DYNLT1: variants seen among roughly 807,000 people sequenced by gnomAD.
DYNLT1 encodes the protein T-complex testis-specific protein 1 homolog.
In DYNLT1, 18 loss-of-function variants were observed where a neutral mutation model predicts 19.6. The ratio of observed to expected loss-of-function variants is 0.92; its 90% CI spans 0.64 to 1.36. The LOEUF (loss-of-function observed/expected upper bound fraction) is 1.36. Ranked by LOEUF, DYNLT1 falls within the 40% of genes most tolerant of loss-of-function variation. The pLI, the probability that DYNLT1 is intolerant of heterozygous loss-of-function variation, is 0.00. For missense variants in DYNLT1, 137 were observed against 139.3 expected, an observed-to-expected ratio of 0.98 and a Z score of 0.08; for synonymous variants, 56 against 44.0, an observed-to-expected ratio of 1.27 and a Z score of -1.07.
At chr6:158,638,277 TGAC>T (rs1352403314) in intron 2 of DYNLT1, among the ~76,000 whole-genome samples, 1 of 152,226 alleles carries the variant, frequency 6.6e-6, no homozygotes, top group East Asian at 1.9e-4. Context: ...TTTGTACAAC[TGAC>T]AATATACAAA....
At chr6:158,637,255 T>C (rs1309500635) in intron 3 of DYNLT1, 50 bp from the exon 4 acceptor site, 22 of 1,537,520 alleles carry the variant, frequency 1.4e-5, no homozygotes, top group Non-Finnish European at 1.9e-5. Flanking sequence ...GTAACACAAA[T>C]GTCATTCTGT....
At chr6:158,638,017 C>T in intron 2 of DYNLT1, 123 bp from the exon 3 acceptor site, 1 of 1,451,008 alleles carries the variant, frequency 6.9e-7, no homozygotes, top group Non-Finnish European at 9.2e-7. Context: ...CATGAGGGTG[C>T]CTTTGCAAAT....
chr6:158,639,759 C>T (rs1787097653), intron 2 of DYNLT1, among the ~76,000 whole-genome samples: 1 of 152,182 alleles, frequency 6.6e-6, no homozygotes, highest in Non-Finnish European at 1.5e-5. Flanking sequence ...TGGCTTACTG[C>T]ACCCTCCATC....
intron 2 of DYNLT1, among the ~76,000 whole-genome samples, chr6:158,639,115 C>CT (rs2128337263): frequency 6.6e-6 from 1 of 152,290 alleles, no homozygotes; most frequent in African/African-American, 2.4e-5. Context: ...TGGTGATGGA[C>CT]TGGGATCTGA....
chr6:158,643,364 CTGTCACA>C (rs1389302710), intron 1 of DYNLT1, among the ~76,000 whole-genome samples: 1 of 152,340 alleles, frequency 6.6e-6, no homozygotes, highest in East Asian at 1.9e-4. Context: ...GATTATGCCA[CTGTCACA>C]GGAAGTGTGT....
chr6:158,643,236 C>A (rs866335314), intron 1 of DYNLT1, among the ~76,000 whole-genome samples: 9 of 152,172 alleles, frequency 5.9e-5, no homozygotes, highest in African/African-American at 2.2e-4. Flanking sequence ...TAATACAAGA[C>A]ATTTTCCAAT....
rs1056227658 is a variant in DYNLT1, at chr6:158,639,774, G to A, written c.69+1545C>T. On this transcript the variant is annotated intron_variant, in intron 2 of 4. Transcript: ENST00000367089. ...TGGCTTACTGCACCCTCCATCTCCCGGGTTCAAGCGATTCTCCTGCCTCAG... is the reference window on the plus strand; with the variant it reads ...TGGCTTACTGCACCCTCCATCTCCCAGGTTCAAGCGATTCTCCTGCCTCAG... Among the ~76,000 whole-genome samples the A allele has an allele frequency of 3.9e-5, 6 of 152,062 alleles. No homozygotes were observed. The East Asian group carries it at 1.2e-3, about 29-fold the overall frequency.
intron 1 of DYNLT1, chr6:158,641,969 T>G (rs911510208): frequency 6.6e-6 from 1 of 152,240 alleles, no homozygotes; most frequent in Admixed American, 6.5e-5. Context: ...CATTAACCAA[T>G]AGAGAGGCTT....
In DYNLT1 at chr6:158,636,884, C is replaced by A. The variant is rs4709239; in HGVS notation, c.285G>T (p.Val95=). 1 of 1,613,524 alleles carries A rather than the reference C, an allele frequency of 6.2e-7. No homozygotes were observed. Among genetic ancestry groups the A allele is most frequent in the Non-Finnish European group, 8.5e-7 (1 of 1,179,784 alleles). Reference sequence around the variant, plus strand: ...AGTACATGGTCTTATTCTCCCATCGCACAGTGCAGCTCCCTGCGGGAGGGA... The same window carrying A: ...AGTACATGGTCTTATTCTCCCATCGAACAGTGCAGCTCCCTGCGGGAGGGA... ...WDSSTDGSCT[V]RWENKTMYCI... is the part of the protein sequence containing the mutation. The change falls in exon 5 of 5, where the codon GTG becomes GTT. Residue 95 remains valine, a synonymous_variant. Transcript: ENST00000367089.
intron 1 of DYNLT1, among the ~76,000 whole-genome samples, chr6:158,644,451 G>C (rs1329039882): frequency 1.3e-5 from 2 of 152,158 alleles, no homozygotes; most frequent in African/African-American, 4.8e-5. Flanking sequence ...GCCTCCCCGC[G>C]CGGGAAGAAG....
Position 158,636,859 on chromosome 6 carries a change from A to C in DYNLT1, c.310T>G (p.Cys104Gly). ...GACAGTCCGAAGGCACTGACGATGC[A>C]GTACATGGTCTTATTCTCCCATCGC... ...TVRWENKTMY[C>G]IVSAFGLSI is the part of the protein sequence containing the mutation. The change falls in exon 5 of 5, where the codon TGC becomes GGC. Residue 104 changes from cysteine (C) to glycine (G), a missense_variant. Coordinates refer to ENST00000367089, the MANE Select transcript of DYNLT1 (RefSeq NM_006519.4). 6.2e-7 allele frequency: 1 copy of C among 1,613,408 alleles called. No individual in the cohort carries two copies. The highest frequency in any genetic ancestry group is 8.5e-7 in the Non-Finnish European group (1 of 1,179,698).
intron 4 of DYNLT1, 62 bp from the exon 5 acceptor site, chr6:158,636,959 C>A (rs770295535): frequency 1.6e-5 from 25 of 1,578,612 alleles, no homozygotes; most frequent in Middle Eastern, 1.7e-4. Flanking sequence ...GTTTTACTCA[C>A]AATAAGGCCA....
intron 1 of DYNLT1, chr6:158,642,850 T>C (rs1265990965): frequency 6.6e-6 from 1 of 152,214 alleles, no homozygotes; most frequent in African/African-American, 2.4e-5. Context: ...ATCCAGTGGA[T>C]AGTTTTAACG....
intron 1 of DYNLT1, chr6:158,642,196 ACCACCAGCTGCCAGCATGGCT>A (rs1787149985): frequency 6.6e-6 from 1 of 152,196 alleles, no homozygotes; most frequent in Admixed American, 6.5e-5. Flanking sequence ...TCCAGGACTA[ACCACCAGCTGCCAGCATGGCT>A]GTTCTCTGTC....
At chr6:158,644,610 G>A (rs1177466899) in intron 1 of DYNLT1, 72 bp downstream of exon 1, 4 of 1,587,588 alleles carry the variant, frequency 2.5e-6, no homozygotes, top group Non-Finnish European at 3.4e-6. Flanking sequence ...AGGCCTTTCC[G>A]GGCAGGACCG....
chr6:158,637,975 A>C (rs929729531), intron 2 of DYNLT1, 81 bp from the exon 3 acceptor site: 3 of 1,555,906 alleles, frequency 1.9e-6, no homozygotes, highest in Non-Finnish European at 2.6e-6. Flanking sequence ...ACGGCACCCC[A>C]AGAAGTGATT....
chr6:158,641,490 C>T, intron 1 of DYNLT1, 130 bp from the exon 2 acceptor site: 1 of 680,290 alleles, frequency 1.5e-6, no homozygotes, highest in Non-Finnish European at 2.3e-6. Flanking sequence ...CTAGACTGTT[C>T]AGCTTTACCA....
At chr6:158,638,038 T>C in intron 2 of DYNLT1, 144 bp from the exon 3 acceptor site, 1 of 1,243,474 alleles carries the variant, frequency 8.0e-7, no homozygotes, top group Non-Finnish European at 1.1e-6. Flanking sequence ...ATACTTTTAA[T>C]AGCATTATAT....
chr6:158,644,375 G>A (rs866955273), intron 1 of DYNLT1, among the ~76,000 whole-genome samples: 3 of 152,142 alleles, frequency 2.0e-5, no homozygotes, highest in Non-Finnish European at 2.9e-5. Context: ...CGGGCCGGAG[G>A]CGAGGCCCTG....
Sources: allele counts gnomAD v4.1 joint callset (sites outside exome capture counted in the v4.1 genomes callset), GRCh38; gene constraint gnomAD v4.1.1; transcripts MANE v1.5; gene names NCBI Gene and HGNC (gene_info 2026-07-23, HGNC 2026-07-21).